Variants in NEO1 observed in about 807,000 individuals in gnomAD.
NEO1 encodes the protein neogenin.
NEO1 carries 63 observed loss-of-function variants against 159.7 expected under a neutral mutation model. That is an observed-to-expected ratio of 0.39 (90% CI 0.32 to 0.49). NEO1 has a LOEUF of 0.49. NEO1 is among the 20% of genes least tolerant of loss of function. The pLI is 0.85. For synonymous variants in NEO1, 633 were observed against 662.0 expected (o/e 0.96, Z 0.67); for missense variants, 1,615 against 1,831.0 (o/e 0.88, Z 2.15).
At chr15:73,185,004 T>A (rs1382308552) in intron 7 of NEO1, among the ~76,000 whole-genome samples, 2 of 152,126 alleles carry the variant, frequency 1.3e-5, no homozygotes, top group Non-Finnish European at 2.9e-5. Flanking sequence ...GAATTATAAA[T>A]GCAAATTACC....
Position 73,176,498 on chromosome 15 carries a change from A to T in NEO1, c.1111A>T (p.Thr371Ser), listed in dbSNP as rs138589758. 1 of 1,612,270 alleles carries T rather than the reference A, an allele frequency of 6.2e-7. No homozygotes were observed. Among genetic ancestry groups the T allele is most frequent in the African/African-American group, 1.3e-5 (1 of 74,886 alleles). ...TGAAGTGACTGGAAAACCAACTCCA[A>T]CTGTGAAGTGGGTCAAAAATGGGGA... is the stretch of plus-strand genomic sequence containing the variant. ...ECEVTGKPTPTVKWVKNGDMV... is the reference protein window; with the variant it reads ...ECEVTGKPTPSVKWVKNGDMV... The change falls in exon 6 of 29, where the codon ACT becomes TCT. Residue 371 changes from threonine to serine, a missense_variant. Thr to Ser is a moderately conservative substitution (Grantham distance 58). Coordinates refer to ENST00000261908, the MANE Select transcript of NEO1 (RefSeq NM_002499.4).
intron 5 of NEO1, among the ~76,000 whole-genome samples, chr15:73,156,343 G>A (rs1016956644): frequency 3.9e-5 from 6 of 152,194 alleles, no homozygotes; most frequent in Non-Finnish European, 8.8e-5. Context: ...CAGTGGTAGT[G>A]GTGGTGGGCT....
chr15:73,237,439 G>A (rs529442703), intron 8 of NEO1, among the ~76,000 whole-genome samples: 23 of 152,270 alleles, frequency 1.5e-4, no homozygotes, highest in Admixed American at 1.3e-3. Context: ...ACACATTGCC[G>A]AGTAGTAAAT....
At position 73,282,986 on chromosome 15, in the gene NEO1, C is replaced by T. The variant is rs770220242; in HGVS notation, c.3285C>T (p.Ser1095=). Residue 1095 remains serine (S), a synonymous_variant, in exon 23 of 29, where the codon AGC becomes AGT. Transcript: ENST00000261908. ...PMSGSNSPHG[S]PTSPLDSNML... ...CAGGCAGTAACAGCCCTCATGGGAG[C>T]CCCACCTCTCCTCTGGACAGTAATA... is the stretch of plus-strand genomic sequence containing the variant. 4 of 1,614,114 alleles carry T rather than the reference C, an allele frequency of 2.5e-6. No homozygotes were observed. Among genetic ancestry groups the T allele is most frequent in the Middle Eastern group, 1.6e-4 (1 of 6,062 alleles).
Position 73,248,841 on chromosome 15 carries a change from T to C in NEO1, c.1607-219T>C, listed in dbSNP as rs116399497. On this transcript the variant is annotated intron_variant, in intron 9 of 28. Coordinates refer to ENST00000261908, the MANE Select transcript of NEO1 (RefSeq NM_002499.4). Reference sequence around the variant, plus strand: ...CACTGCAAAACTGGGATTTTATAAATCACAAGGAAAGTTTTTCAGTGTAAT... The same window carrying C: ...CACTGCAAAACTGGGATTTTATAAACCACAAGGAAAGTTTTTCAGTGTAAT... Among the ~76,000 whole-genome samples, 1,309 of 152,296 alleles carry C rather than the reference T, an allele frequency of 8.6e-3. 23 individuals carry two copies. The highest frequency in any genetic ancestry group is 0.03 in the African/African-American group (1,237 of 41,552).
At position 73,278,181 on chromosome 15, in the gene NEO1, T is replaced by A; in HGVS notation, c.3244T>A (p.Tyr1082Asn). 2 of 1,613,260 alleles carry A rather than the reference T, an allele frequency of 1.2e-6. No homozygotes were observed. The highest frequency in any genetic ancestry group is 1.7e-6 in the Non-Finnish European group (2 of 1,179,316). ...CCGGCTGCCAGACCTAGGATCCGACTACAAACCTCCAATGAGCGGTAAAGC... is the reference window on the plus strand; with the variant it reads ...CCGGCTGCCAGACCTAGGATCCGACAACAAACCTCCAATGAGCGGTAAAGC... ...GSRLPDLGSD[Y>N]KPPMSGSNSP... Residue 1082 changes from tyrosine (Y) to asparagine (N), a missense_variant, in exon 22 of 29, where the codon TAC becomes AAC. Coordinates refer to ENST00000261908, the MANE Select transcript of NEO1 (RefSeq NM_002499.4).
intron 1 of NEO1, among the ~76,000 whole-genome samples, chr15:73,063,725 G>A (rs1356521938): frequency 4.6e-5 from 7 of 152,060 alleles, no homozygotes; most frequent in South Asian, 4.1e-4. Flanking sequence ...GAAATGTTCC[G>A]TAAGCTGTTT....
In NEO1 at chr15:73,192,871, G is replaced by A. The variant is rs192595989; in HGVS notation, c.1291+14444G>A. ...AATGGGATTGGAAAAACCTGAAGAT[G>A]AGGAGGAAGGCAAAAATAATACATT... On this transcript the variant is annotated intron_variant, in intron 7 of 28. Transcript: ENST00000261908. Among the ~76,000 whole-genome samples, 50 of 152,082 alleles carry A rather than the reference G, an allele frequency of 3.3e-4. No homozygotes were observed. In the East Asian group the frequency reaches 8.9e-3, roughly 27 times the overall value.
chr15:73,148,248 T>C (rs1242710368), intron 5 of NEO1, among the ~76,000 whole-genome samples: 2 of 152,224 alleles, frequency 1.3e-5, no homozygotes, highest in Non-Finnish European at 2.9e-5. Context: ...ATTTTAATTA[T>C]ATTGTCAGTA....
chr15:73,076,922 T>A (rs1417107950), intron 1 of NEO1, among the ~76,000 whole-genome samples: 1 of 152,180 alleles, frequency 6.6e-6, no homozygotes, highest in Non-Finnish European at 1.5e-5. Context: ...TTGTAGGAGG[T>A]AAGGCACTTT....
At chr15:73,187,157 A>G (rs2035979042) in intron 7 of NEO1, among the ~76,000 whole-genome samples, 1 of 152,246 alleles carries the variant, frequency 6.6e-6, no homozygotes, top group Admixed American at 6.5e-5. Flanking sequence ...ACTCATGAAG[A>G]TAACAACTAT....
chr15:73,051,704 G>C (rs919984739), upstream of NEO1: 12 of 151,814 alleles, frequency 7.9e-5, no homozygotes, highest in African/African-American at 2.9e-4. Context: ...CGGCTTGGGA[G>C]CCGGAGGTCA....
chr15:73,269,401 C>T (rs2041064699), intron 16 of NEO1, among the ~76,000 whole-genome samples: 1 of 152,120 alleles, frequency 6.6e-6, no homozygotes, highest in South Asian at 2.1e-4. Context: ...TGCTCTGTCA[C>T]CCAGGCTGGA....
intron 8 of NEO1, among the ~76,000 whole-genome samples, chr15:73,238,271 GTTTTTTTTTTTTTT>G (rs55887721): frequency 4.9e-4 from 19 of 38,848 alleles, no homozygotes; most frequent in African/African-American, 2.1e-3. Context: ...TTTAGTTTGG[GTTTTTTTTTTTTTT>G]TTTTTTTTTT....
chr15:73,213,498 A>G (rs547241093), intron 7 of NEO1, among the ~76,000 whole-genome samples: 1 of 152,036 alleles, frequency 6.6e-6, no homozygotes, highest in Non-Finnish European at 1.5e-5. Flanking sequence ...TAGCTCCCAC[A>G]TGTCGGTGAG....
At chr15:73,129,584 G>A (rs2030816423) in intron 4 of NEO1, among the ~76,000 whole-genome samples, 1 of 152,090 alleles carries the variant, frequency 6.6e-6, no homozygotes, top group African/African-American at 2.4e-5. Context: ...GAGGGGGGTG[G>A]AAATGGATCC....
chr15:73,121,911 T>C (rs1453206822), intron 2 of NEO1, among the ~76,000 whole-genome samples: 1 of 151,816 alleles, frequency 6.6e-6, no homozygotes, highest in African/African-American at 2.4e-5. Context: ...TTGTGCTTTC[T>C]CTCCTTCTGC....
intron 23 of NEO1, among the ~76,000 whole-genome samples, chr15:73,285,042 G>T (rs553727166): frequency 6.6e-6 from 1 of 151,960 alleles, no homozygotes; most frequent in Non-Finnish European, 1.5e-5. Context: ...GAAATATTGG[G>T]ATCTTTATTT....
intron 1 of NEO1, among the ~76,000 whole-genome samples, chr15:73,075,695 C>T (rs915497537): frequency 6.6e-6 from 1 of 152,018 alleles, no homozygotes; most frequent in Non-Finnish European, 1.5e-5. Context: ...CATAGGATGC[C>T]ACGTCACCAA....
Sources: allele counts gnomAD v4.1 joint callset (sites outside exome capture counted in the v4.1 genomes callset), GRCh38; gene constraint gnomAD v4.1.1; transcripts MANE v1.5; gene names NCBI Gene and HGNC (gene_info 2026-07-23, HGNC 2026-07-21).